GTPBP8: variants seen among roughly 807,000 people sequenced by gnomAD.
The protein encoded by GTPBP8 is GTP-binding protein 8.
In GTPBP8, 21 loss-of-function variants were observed where a neutral mutation model predicts 27.3. The observed-to-expected ratio is 0.77, with a 90% CI of 0.55 to 1.11. The LOEUF (loss-of-function observed/expected upper bound fraction) is 1.11. Ranked by LOEUF, GTPBP8 falls within the 50% of genes least tolerant of loss-of-function variation. The probability of loss-of-function intolerance (pLI) is 0.00; values close to 1 mark genes in which losing one functional copy is unlikely to be tolerated. For missense variants in GTPBP8, 380 were observed against 350.8 expected (o/e 1.08, Z -0.67); for synonymous variants, 147 against 135.3 (o/e 1.09, Z -0.60).
rs764381476 is a variant in GTPBP8, at chr3:112,995,285, A to G, written c.566+20A>G. On this transcript the variant is annotated intron_variant, in intron 3 of 5. Transcript: ENST00000383678. ...AAGGAAGTAAGGAAAAGATTTTCTT[A>G]TAATAGTTATACATTTAACCCCAAA... 3.3e-6 allele frequency: 5 copies of G among 1,528,412 alleles called. No individual in the cohort carries two copies. The South Asian group carries it at 5.9e-5, about 18-fold the overall frequency. The allele number at this position is 1,528,412 out of a possible 1,614,324, so 94.7% of individuals were successfully genotyped here. A position where few individuals can be genotyped will look rare whatever the true frequency, so the allele number is the denominator to read the frequency against.
chr3:112,991,088 C>A lies in GTPBP8; in HGVS notation c.89C>A (p.Ser30Tyr). 6.2e-7 allele frequency: 1 copy of A among 1,614,072 alleles called. No homozygotes were observed. The highest frequency in any genetic ancestry group is 8.5e-7 in the Non-Finnish European group (1 of 1,180,022). The stretch of plus-strand genomic sequence containing the variant: ...CGACTGAGCCGCTATAATAGCACGT[C>A]CCAAGCTTTTGCTGAGGTGCTGCGG... The part of the protein sequence containing the change: ...LERLSRYNST[S>Y]QAFAEVLRLP... The change falls in exon 1 of 6, where the codon TCC becomes TAC. Residue 30 changes from serine to tyrosine, a missense_variant. By Grantham distance (144) the Ser-to-Tyr change is moderately radical. Transcript: ENST00000383678.
chr3:112,995,179 T>G lies in GTPBP8; in HGVS notation c.480T>G (p.Phe160Leu). 6.2e-7 allele frequency: 1 copy of G among 1,606,928 alleles called. No homozygotes were observed. Among genetic ancestry groups the G allele is most frequent in the Non-Finnish European group, 8.5e-7 (1 of 1,175,656 alleles). The stretch of plus-strand genomic sequence containing the variant: ...ATTTTTTCAAAGTTGGAAAACATTT[T>G]ACAGTGGTGGACATGCCAGGTTATG... ...KMNFFKVGKH[F>L]TVVDMPGYGF... The change falls in exon 3 of 6, where the codon TTT (phenylalanine) becomes TTG (leucine). Residue 160 changes from phenylalanine to leucine, a missense_variant. Coordinates refer to ENST00000383678, the MANE Select transcript of GTPBP8 (RefSeq NM_014170.4).
chr3:112,994,423 CAAA>C (rs57931589), intron 2 of GTPBP8, among the ~76,000 whole-genome samples: 8 of 108,492 alleles, frequency 7.4e-5, no homozygotes, highest in Admixed American at 9.8e-5. Flanking sequence ...AACTCTGTCT[CAAA>C]AAAAAAAAAA....
Position 112,996,619 on chromosome 3 carries a change from C to G in GTPBP8, c.567-273C>G, listed in dbSNP as rs77454232. Among the ~76,000 whole-genome samples the G allele has an allele frequency of 0.011, 1,611 of 152,300 alleles. 100 individuals are homozygous for G. The East Asian group carries it at 0.17, about 16-fold the overall frequency. ...AGGAGGGAACTCACTCATTATATAT[C>G]AAGTCCCAGGCAGAATGTCTTATAT... On this transcript the variant is annotated intron_variant, in intron 3 of 5. Transcript: ENST00000383678.
chr3:113,000,792 G>T, intron 5 of GTPBP8, 58 bp from the exon 6 acceptor site: 1 of 999,576 alleles, frequency 1.0e-6, no homozygotes, highest in Non-Finnish European at 1.5e-6. Flanking sequence ...TTAAGTTGAT[G>T]AATTCAGATG....
chr3:112,995,545 ATTT>A (rs559163992), intron 3 of GTPBP8, among the ~76,000 whole-genome samples: 1 of 141,162 alleles, frequency 7.1e-6, no homozygotes, highest in Non-Finnish European at 1.6e-5. Context: ...TTTTTTTTTC[ATTT>A]TTTTTTTTGA....
At position 112,999,523 on chromosome 3, in the gene GTPBP8, C is replaced by T; in HGVS notation, c.744C>T (p.Asn248=). Residue 248 remains asparagine, a synonymous_variant, in exon 5 of 6, where the codon AAC becomes AAT. Transcript: ENST00000383678. ...TGCTTCAGATCCAGAAATTTGTTAA[C>T]ATGAAAACTCAAGGATGTTTTCCTC... The part of the protein sequence containing the change: ...KQVLQIQKFV[N]MKTQGCFPQL... 1.3e-6 allele frequency: 2 copies of T among 1,504,568 alleles called. No homozygotes were observed. Among genetic ancestry groups the T allele is most frequent in the Non-Finnish European group, 1.8e-6 (2 of 1,097,838 alleles). The allele number at this position is 1,504,568 out of a possible 1,614,324, so 93.2% of individuals were successfully genotyped here. A position where few individuals can be genotyped will look rare whatever the true frequency, so the allele number is the denominator to read the frequency against.
intron 4 of GTPBP8, 28 bp from the exon 5 acceptor site, chr3:112,999,418 T>C: frequency 1.3e-6 from 1 of 766,026 alleles, no homozygotes; most frequent in Non-Finnish European, 2.2e-6. Context: ...ACTTTATTTC[T>C]AATGCATAAA....
At chr3:112,996,257 G>C (rs906549055) in intron 3 of GTPBP8, among the ~76,000 whole-genome samples, 2 of 151,574 alleles carry the variant, frequency 1.3e-5, no homozygotes, top group Non-Finnish European at 2.9e-5. Flanking sequence ...TCAGGAGTTC[G>C]AGACCAGCCT....
Position 112,999,425 on chromosome 3 carries a change from TA to T in GTPBP8, c.667-16del. 1.1e-6 allele frequency: 1 copy of T among 882,442 alleles called. No individual in the cohort carries two copies. The highest frequency in any genetic ancestry group is 1.8e-6 in the Non-Finnish European group (1 of 561,032). The allele number at this position is 882,442 out of a possible 1,614,324, so 54.7% of individuals were successfully genotyped here. A position where few individuals can be genotyped will look rare whatever the true frequency, so the allele number is the denominator to read the frequency against. ...TAAGAACCACTTTATTTCTAATGCA[TA>T]AAAATTTGTTTTCTTATAGATTGTA... On this transcript the variant is annotated intron_variant, in intron 4 of 5. Coordinates refer to ENST00000383678, the MANE Select transcript of GTPBP8 (RefSeq NM_014170.4).
rs781571473 is a variant in GTPBP8, at chr3:112,991,019, G to C, written c.20G>C (p.Arg7Pro). ...GGGAGAATGGCGGCGCCCGGGCTGC[G>C]GCTGGGAGCGGGAAGACTCTTTGAA... MAAPGL[R>P]LGAGRLFEMP... The change falls in exon 1 of 6, where the codon CGG (arginine) becomes CCG (proline). Residue 7 changes from arginine (R) to proline (P), a missense_variant. Coordinates refer to ENST00000383678, the MANE Select transcript of GTPBP8 (RefSeq NM_014170.4). The C allele has an allele frequency of 6.3e-7, 1 of 1,595,736 alleles. No individual in the cohort carries two copies. Among genetic ancestry groups the C allele is most frequent in the Non-Finnish European group, 8.6e-7 (1 of 1,167,752 alleles).
chr3:112,995,398 A>C, intron 3 of GTPBP8, 133 bp downstream of exon 3: 5 of 565,948 alleles, frequency 8.8e-6, no homozygotes, highest in African/African-American at 1.9e-5. Context: ...TTTTATTCTC[A>C]TAATATTCTA....
chr3:112,996,057 CTT>C (rs1174766012), intron 3 of GTPBP8, among the ~76,000 whole-genome samples: 3 of 152,010 alleles, frequency 2.0e-5, no homozygotes, highest in African/African-American at 7.2e-5. Flanking sequence ...AAAAATGTAT[CTT>C]GTTTGTTGTA....
At chr3:112,998,070 C>T (rs1334602546) in intron 4 of GTPBP8, among the ~76,000 whole-genome samples, 1 of 152,194 alleles carries the variant, frequency 6.6e-6, no homozygotes, top group African/African-American at 2.4e-5. Flanking sequence ...AGAAACCACA[C>T]ACTTTCTGCT....
Position 112,991,279 on chromosome 3 carries a change from G to T in GTPBP8, c.280G>T (p.Asp94Tyr). 6.2e-7 allele frequency: 1 copy of T among 1,613,562 alleles called. No homozygotes were observed. The highest frequency in any genetic ancestry group is 8.5e-7 in the Non-Finnish European group (1 of 1,180,032). The change falls in exon 1 of 6, where the codon GAC becomes TAC. Residue 94 changes from aspartate to tyrosine, a missense_variant. By Grantham distance (160) the Asp-to-Tyr change is radical. Transcript: ENST00000383678. ...CACGGCCACTGAACGGAACCGCATCGACTACGTCAGCTCCGCCGTCCGTAT... is the reference window on the plus strand; with the variant it reads ...CACGGCCACTGAACGGAACCGCATCTACTACGTCAGCTCCGCCGTCCGTAT... Reference protein sequence around the residue: ...IFTATERNRIDYVSSAVRIDH... With the variant: ...IFTATERNRIYYVSSAVRIDH...
Position 113,000,944 on chromosome 3 carries a change from C to CA in GTPBP8, c.*41dup, listed in dbSNP as rs34779191. 0.037 allele frequency: 29,766 copies of CA among 813,962 alleles called. 589 individuals carry two copies. Among genetic ancestry groups the CA allele is most frequent in the African/African-American group, 0.16 (7,604 of 46,144 alleles). 50.4% of individuals were successfully genotyped at this position (813,962 alleles called of 1,614,324 possible). On this transcript the variant is annotated 3_prime_UTR_variant, in exon 6 of 6. Transcript: ENST00000383678. ...ATGGTTCCCGGTTTAGCTGAAGATTCAAAAAAAAAAAAAAAAGCTTTATGC... is the reference window on the plus strand; with the variant it reads ...ATGGTTCCCGGTTTAGCTGAAGATTCAAAAAAAAAAAAAAAAAGCTTTATGC...
chr3:112,995,048 G>A (rs2107367848), intron 2 of GTPBP8, 87 bp from the exon 3 acceptor site: 1 of 1,012,472 alleles, frequency 9.9e-7, no homozygotes, highest in Admixed American at 2.5e-5. Flanking sequence ...ATAAATATTT[G>A]TTGATTAACT....
At chr3:112,993,166 TTAAC>T in intron 2 of GTPBP8, 42 bp downstream of exon 2, 1 of 927,592 alleles carries the variant, frequency 1.1e-6, no homozygotes, top group Non-Finnish European at 1.8e-6. Flanking sequence ...ATCTCTTGGA[TTAAC>T]TAACATGAAT....
rs1372685474 is a variant in GTPBP8, at chr3:112,997,047, C to G, written c.666+56C>G. 1.5e-5 allele frequency: 12 copies of G among 813,126 alleles called. No homozygotes were observed. In the East Asian group the frequency reaches 2.5e-4, roughly 17 times the overall value. The allele number at this position is 813,126 out of a possible 1,614,324, so 50.4% of individuals were successfully genotyped here. Reference sequence around the variant, plus strand: ...TTAGAAATATCAGTTCTACGTGCATCTGTGTGAACATGCACCTTTTAACAA... The same window carrying G: ...TTAGAAATATCAGTTCTACGTGCATGTGTGTGAACATGCACCTTTTAACAA... On this transcript the variant is annotated intron_variant, in intron 4 of 5. Coordinates refer to ENST00000383678, the MANE Select transcript of GTPBP8 (RefSeq NM_014170.4).
Sources: allele counts gnomAD v4.1 joint callset (sites outside exome capture counted in the v4.1 genomes callset), GRCh38; gene constraint gnomAD v4.1.1; transcripts MANE v1.5; gene names NCBI Gene and HGNC (gene_info 2026-07-23, HGNC 2026-07-21).